Variants in ZNF844 observed in about 807,000 individuals in gnomAD.
ZNF844 encodes the protein zinc finger protein 844.
A neutral mutation model predicts 11.4 loss-of-function variants in ZNF844; 11 were observed. The observed-to-expected ratio is 0.97, with a 90% CI of 0.61 to 1.60. ZNF844 has a LOEUF of 1.60. Among genes scored for constraint, ZNF844 ranks in the 40% most tolerant of loss-of-function variants. The pLI is 0.00. For missense variants in ZNF844, 790 were observed against 796.8 expected (o/e 0.99, Z 0.10); for synonymous variants, 248 against 260.3 (o/e 0.95, Z 0.46).
At position 12,075,327 on chromosome 19, in the gene ZNF844, G is replaced by C; in HGVS notation, c.207G>C (p.Glu69Asp). 6.9e-7 allele frequency: 1 copy of C among 1,454,510 alleles called. No homozygotes were observed. Among genetic ancestry groups the C allele is most frequent in the Non-Finnish European group, 9.1e-7 (1 of 1,101,354 alleles). 90.1% of individuals were successfully genotyped at this position (1,454,510 alleles called of 1,614,324 possible). ...TTTTTCACAGAAGTCTTCTGGGAGA[G>C]AGAGTTGATGAAAATACAGAAGAAA... is the stretch of plus-strand genomic sequence containing the variant. Reference protein sequence around the residue: ...PRNNLRSLLGERVDENTEENH... With the variant: ...PRNNLRSLLGDRVDENTEENH... Residue 69 changes from glutamate to aspartate, a missense_variant, in exon 4 of 4, where the codon GAG becomes GAC. Physicochemically the swap from Glu to Asp is conservative, Grantham distance 45. This residue lies in a region of ZNF844 where 129 missense variants were observed against 144.0 expected (regional missense o/e 0.90). Coordinates refer to ENST00000439326, the MANE Select transcript of ZNF844 (RefSeq NM_001136501.3).
Position 12,075,525 on chromosome 19 carries a change from A to G in ZNF844, c.405A>G (p.Glu135=). ...CACACAAGCCGTCTGAGTATCAGGAATATGGACAGGAGCCATATAAGTGTC... is the reference window on the plus strand; with the variant it reads ...CACACAAGCCGTCTGAGTATCAGGAGTATGGACAGGAGCCATATAAGTGTC... ...DTAHKPSEYQ[E]YGQEPYKCQQ... is the part of the protein sequence containing the mutation. Residue 135 remains glutamate, a synonymous_variant, in exon 4 of 4, where the codon GAA becomes GAG. Coordinates refer to ENST00000439326, the MANE Select transcript of ZNF844 (RefSeq NM_001136501.3). 1 of 1,614,002 alleles carries G rather than the reference A, an allele frequency of 6.2e-7. No individual in the cohort carries two copies.
rs1364806786 is a variant in ZNF844 at position 12,078,438 on chromosome 19, TTTAA to T, written c.*1324_*1327del. 3.9e-5 allele frequency: 6 copies of T among 152,168 alleles called. No homozygotes were observed. The highest frequency in any genetic ancestry group is 3.3e-4 in the Admixed American group (5 of 15,280). 9.4% of individuals were successfully genotyped at this position (152,168 alleles called of 1,614,324 possible). A position where few individuals can be genotyped will look rare whatever the true frequency, so the allele number is the denominator to read the frequency against. On this transcript the variant is annotated 3_prime_UTR_variant, in exon 4 of 4. Coordinates refer to ENST00000439326, the MANE Select transcript of ZNF844 (RefSeq NM_001136501.3). ...CACTGCACCCAGCTGTTATTCTCTATTTAATTAATTGAGAAGCCATAATAAAATA... is the reference window on the plus strand; with the variant it reads ...CACTGCACCCAGCTGTTATTCTCTATTTAATTGAGAAGCCATAATAAAATA...
In ZNF844 at chr19:12,067,983, G is replaced by GGAAGGAAGGAAGGAAA. The variant is rs1212394922; in HGVS notation, c.3+3110_3+3111insGGAAGGAAGGAAAGAA. 6.0e-3 allele frequency among the ~76,000 whole-genome samples: 775 copies of GGAAGGAAGGAAGGAAA among 128,748 alleles called. 11 individuals are homozygous for GGAAGGAAGGAAGGAAA. The highest frequency in any genetic ancestry group is 0.012 in the African/African-American group (356 of 29,206). 84.5% of individuals were successfully genotyped at this position (128,748 alleles called of 152,430 possible). On this transcript the variant is annotated intron_variant, in intron 1 of 3. Coordinates refer to ENST00000439326, the MANE Select transcript of ZNF844 (RefSeq NM_001136501.3). The stretch of plus-strand genomic sequence containing the variant: ...AAGAAGGAAGGAAGGAAGGAAGGAA[G>GGAAGGAAGGAAGGAAA]GAAAGAAAATTAAAAATTAATTTAA...
At position 12,076,846 on chromosome 19, in the gene ZNF844, A is replaced by G. The variant is rs977652380; in HGVS notation, c.1726A>G (p.Met576Val). 4.5e-6 allele frequency: 7 copies of G among 1,560,990 alleles called. No individual in the cohort carries two copies. The highest frequency in any genetic ancestry group is 2.4e-5 in the East Asian group (1 of 41,220). Residue 576 changes from methionine to valine, a missense_variant, in exon 4 of 4, where the codon ATG becomes GTG. By Grantham distance (21) the Met-to-Val change is conservative. This residue lies in a region of ZNF844 where 657 missense variants were observed against 636.2 expected (regional missense o/e 1.03). Transcript: ENST00000439326. ...AACAATTTCTCTTCCTTTCAAATAC[A>G]TGCAACAATGCACAGAGGACAGAAT... ...HSTISLPFKY[M>V]QQCTEDRMPM...
At chr19:12,066,228 G>A (rs562115860) in intron 1 of ZNF844, among the ~76,000 whole-genome samples, 1 of 151,878 alleles carries the variant, frequency 6.6e-6, no homozygotes, top group East Asian at 2.0e-4. Flanking sequence ...ACTCGGCCAG[G>A]GGTTTTTCAA....
chr19:12,066,530 C>CTTTTTTTTTTTTT (rs80186949), intron 1 of ZNF844, among the ~76,000 whole-genome samples: 476 of 92,224 alleles, frequency 5.2e-3, no homozygotes, highest in East Asian at 5.8e-3. Flanking sequence ...TAAATGTCTT[C>CTTTTTTTTTTTTT]TTTTTTTTTT....
At position 12,064,769 on chromosome 19, in the gene ZNF844, G is replaced by T. The variant is rs1028534371; in HGVS notation, c.-105G>T. 3.0e-6 allele frequency: 4 copies of T among 1,337,412 alleles called. No individual in the cohort carries two copies. Among genetic ancestry groups the T allele is most frequent in the African/African-American group, 3.0e-5 (2 of 66,848 alleles). The allele number at this position is 1,337,412 out of a possible 1,614,324, so 82.8% of individuals were successfully genotyped here. ...TCCCGCCGGGTGAGGTTGGCACCCC[G>T]TTTTTCCTGCTCTGAGAGGGACCGG... On this transcript the variant is annotated 5_prime_UTR_variant, in exon 1 of 4. Coordinates refer to ENST00000439326, the MANE Select transcript of ZNF844 (RefSeq NM_001136501.3).
At position 12,078,599 on chromosome 19, in the gene ZNF844, T is replaced by C. The variant is rs1166833479; in HGVS notation, c.*1478T>C. The C allele has an allele frequency of 6.6e-6, 1 of 152,224 alleles. No individual in the cohort carries two copies. The highest frequency in any genetic ancestry group is 2.4e-5 in the African/African-American group (1 of 41,456). The allele number at this position is 152,224 out of a possible 1,614,324, so 9.4% of individuals were successfully genotyped here. On this transcript the variant is annotated 3_prime_UTR_variant, in exon 4 of 4. Transcript: ENST00000439326. ...ATGTAAATTTTAATTTTCATGCTTA[T>C]ATACTTAGAACATTTATCTTGGTCC... is the stretch of plus-strand genomic sequence containing the variant.
intron 1 of ZNF844, among the ~76,000 whole-genome samples, chr19:12,066,589 C>T (rs1273841705): frequency 6.8e-6 from 1 of 147,100 alleles, no homozygotes; most frequent in African/African-American, 2.5e-5. Flanking sequence ...CTCTGTCGCC[C>T]AGACTGGAGT....
intron 1 of ZNF844, among the ~76,000 whole-genome samples, chr19:12,066,295 A>T (rs764479582): frequency 6.6e-6 from 1 of 151,876 alleles, no homozygotes; most frequent in African/African-American, 2.4e-5. Flanking sequence ...TGAGTTGCTT[A>T]TAGAGGAGCA....
Position 12,075,934 on chromosome 19 carries a change from A to C in ZNF844, c.814A>C (p.Arg272=). The change falls in exon 4 of 4, where the codon AGA becomes CGA. Residue 272 remains arginine, a synonymous_variant. Transcript: ENST00000439326. Reference sequence around the variant, plus strand: ...TAGTCCCAATTCCCTTTATGAACATAGAAGAACTCACACTGGAGAGAAGCC... The same window carrying C: ...TAGTCCCAATTCCCTTTATGAACATCGAAGAACTCACACTGGAGAGAAGCC... The part of the protein sequence containing the change: ...FGSPNSLYEH[R]RTHTGEKPYE... 1 of 1,599,644 alleles carries C rather than the reference A, an allele frequency of 6.3e-7. No individual in the cohort carries two copies. The highest frequency in any genetic ancestry group is 8.5e-7 in the Non-Finnish European group (1 of 1,172,276).
Position 12,076,415 on chromosome 19 carries a change from C to T in ZNF844, c.1295C>T (p.Pro432Leu), listed in dbSNP as rs529871005. The change falls in exon 4 of 4, where the codon CCA (proline) becomes CTA (leucine). Residue 432 changes from proline to leucine, a missense_variant. By Grantham distance (98) the Pro-to-Leu change is moderately conservative. Around this residue, in one of 3 missense-constraint regions of ZNF844, gnomAD observed 657 missense variants for 636.2 expected, o/e 1.03. Coordinates refer to ENST00000439326, the MANE Select transcript of ZNF844 (RefSeq NM_001136501.3). Reference protein sequence around the residue: ...VSSVVKPSFLPLPFDIMKGLT... With the variant: ...VSSVVKPSFLLLPFDIMKGLT... ...AGTGTAGTAAAGCCTTCATTTCTTC[C>T]ACTTCCTTTCGATATCATGAAAGGA... 6.8e-6 allele frequency: 11 copies of T among 1,609,994 alleles called. No homozygotes were observed. The highest frequency in any genetic ancestry group is 9.3e-6 in the Non-Finnish European group (11 of 1,177,070).
chr19:12,080,216 G>A lies in ZNF844; in HGVS notation c.*3095G>A, dbSNP rs113499375. Reference sequence around the variant, plus strand: ...TACAAAAAAACTAGCTGGGCGTGGTGGTGGGCGCCTGTAGTCCCAGCTACT... The same window carrying A: ...TACAAAAAAACTAGCTGGGCGTGGTAGTGGGCGCCTGTAGTCCCAGCTACT... On this transcript the variant is annotated 3_prime_UTR_variant, in exon 4 of 4. Transcript: ENST00000439326. 1.0e-5 allele frequency: 2 copies of A among 199,946 alleles called. No homozygotes were observed. The highest frequency in any genetic ancestry group is 6.2e-5 in the South Asian group (1 of 16,078). The allele number at this position is 199,946 out of a possible 1,614,324, so 12.4% of individuals were successfully genotyped here. A position where few individuals can be genotyped will look rare whatever the true frequency, so the allele number is the denominator to read the frequency against.
intron 1 of ZNF844, among the ~76,000 whole-genome samples, chr19:12,069,357 T>TAA (rs1975728055): frequency 6.6e-6 from 1 of 151,312 alleles, no homozygotes; most frequent in South Asian, 2.1e-4. Context: ...TAATTTTTTG[T>TAA]ATTGTTAGTA....
intron 1 of ZNF844, among the ~76,000 whole-genome samples, chr19:12,072,876 C>T (rs1189219093): frequency 6.6e-6 from 1 of 152,084 alleles, no homozygotes; most frequent in Non-Finnish European, 1.5e-5. Flanking sequence ...TGAGCCACCG[C>T]GCCTGGCCTT....
Position 12,076,788 on chromosome 19 carries a change from G to T in ZNF844, c.1668G>T (p.Glu556Asp). 1 of 1,573,716 alleles carries T rather than the reference G, an allele frequency of 6.4e-7. No homozygotes were observed. Among genetic ancestry groups the T allele is most frequent in the Non-Finnish European group, 8.6e-7 (1 of 1,158,524 alleles). Residue 556 changes from glutamate (E) to aspartate (D), a missense_variant, in exon 4 of 4, where the codon GAG (glutamate) becomes GAT (aspartate). Transcript: ENST00000439326. ...AATTCATGAAAAGACACACCCTGGA[G>T]AGAAACCCTATAAGGAATATGGAAA... ...TFKFMKRHTL[E>D]RNPIRNMEKH...
chr19:12,077,455 A>G lies in ZNF844; in HGVS notation c.*334A>G. On this transcript the variant is annotated 3_prime_UTR_variant, in exon 4 of 4. Transcript: ENST00000439326. ...TATCATGAAAAGACCCACACCAGAG[A>G]GAAACACTATGAATGTAAGCAGTGT... 1 of 620,726 alleles carries G rather than the reference A, an allele frequency of 1.6e-6. No homozygotes were observed. The highest frequency in any genetic ancestry group is 3.0e-6 in the Non-Finnish European group (1 of 328,326). The allele number at this position is 620,726 out of a possible 1,614,324, so 38.5% of individuals were successfully genotyped here.
intron 1 of ZNF844, among the ~76,000 whole-genome samples, chr19:12,069,764 G>A (rs1975733138): frequency 6.6e-6 from 1 of 151,150 alleles, no homozygotes; most frequent in Non-Finnish European, 1.5e-5. Context: ...ATACTAGCCT[G>A]ACCAACATGG....
rs1975881159 is a variant in ZNF844, at chr19:12,080,248, G to C, written c.*3127G>C. 4.7e-6 allele frequency: 1 copy of C among 213,272 alleles called. No homozygotes were observed. Among genetic ancestry groups the C allele is most frequent in the Non-Finnish European group, 9.4e-6 (1 of 105,968 alleles). The allele number at this position is 213,272 out of a possible 1,614,324, so 13.2% of individuals were successfully genotyped here. ...GCCTGTAGTCCCAGCTACTCGGGAG[G>C]CTGAAGCAGGAGAATGGCGTGAATC... On this transcript the variant is annotated 3_prime_UTR_variant, in exon 4 of 4. Coordinates refer to ENST00000439326, the MANE Select transcript of ZNF844 (RefSeq NM_001136501.3).
Sources: gnomAD v4.1 joint callset for allele counts (sites outside exome capture counted in the v4.1 genomes callset) on GRCh38, gnomAD v4.1.1 for gene constraint, gnomAD v4.1.1 regional missense constraint, MANE v1.5 for transcripts, NCBI Gene and HGNC (gene_info 2026-07-23, HGNC 2026-07-21) for gene names.